Variants in RPAP3 observed in about 807,000 individuals in gnomAD.
RPAP3 encodes the protein RNA polymerase II associated protein 3, also known as RNA polymerase II-associated protein 3.
RPAP3 carries 58 observed loss-of-function variants against 88.8 expected under a neutral mutation model. The observed-to-expected ratio is 0.65, with a 90% CI of 0.53 to 0.81. The LOEUF is 0.81. RPAP3 is among the 40% of genes least tolerant of loss of function. The probability of loss-of-function intolerance (pLI) is 0.00; values close to 1 mark genes in which losing one functional copy is unlikely to be tolerated. For synonymous variants in RPAP3, 255 were observed against 259.9 expected, an observed-to-expected ratio of 0.98 and a Z score of 0.18; for missense variants, 751 against 764.3, an observed-to-expected ratio of 0.98 and a Z score of 0.20.
rs1286639029 is a variant in RPAP3 at position 47,661,993 on chromosome 12, G to C, written c.*1512C>G. On this transcript the variant is annotated 3_prime_UTR_variant, in exon 17 of 17. Transcript: ENST00000005386. Reference sequence around the variant, plus strand: ...CAGTTCTGGAGGATGGGGAGTCCAAGATGAAGATGCCAGTAGATTCTGGTC... The same window carrying C: ...CAGTTCTGGAGGATGGGGAGTCCAACATGAAGATGCCAGTAGATTCTGGTC... 6.6e-6 allele frequency: 1 copy of C among 152,264 alleles called. No individual in the cohort carries two copies. Among genetic ancestry groups the C allele is most frequent in the Admixed American group, 6.5e-5 (1 of 15,274 alleles). 9.4% of individuals were successfully genotyped at this position (152,264 alleles called of 1,614,324 possible). A position where few individuals can be genotyped will look rare whatever the true frequency, so the allele number is the denominator to read the frequency against.
At position 47,688,012 on chromosome 12, in the gene RPAP3, T is replaced by C. The variant is rs374642530; in HGVS notation, c.739-11A>G. On this transcript the variant is annotated splice_polypyrimidine_tract_variant and intron_variant, in intron 7 of 16. Coordinates refer to ENST00000005386, the MANE Select transcript of RPAP3 (RefSeq NM_024604.3). Reference sequence around the variant, plus strand: ...TTTGGATGCTAAAGCCTAGGAGACATAGCAGTCAGCTAAAATAAAACAAAG... The same window carrying C: ...TTTGGATGCTAAAGCCTAGGAGACACAGCAGTCAGCTAAAATAAAACAAAG... 4 of 1,597,988 alleles carry C rather than the reference T, an allele frequency of 2.5e-6. No individual in the cohort carries two copies. The highest frequency in any genetic ancestry group is 1.4e-5 in the African/African-American group (1 of 74,052).
chr12:47,705,329 T>G (rs748684321), intron 1 of RPAP3, among the ~76,000 whole-genome samples: 13 of 152,228 alleles, frequency 8.5e-5, no homozygotes, highest in Non-Finnish European at 1.9e-4. Context: ...AAATTAGGTT[T>G]AAGCTTCTTT....
intron 16 of RPAP3, among the ~76,000 whole-genome samples, chr12:47,663,929 T>C (rs1201439886): frequency 1.3e-5 from 2 of 151,044 alleles, no homozygotes; most frequent in African/African-American, 4.8e-5. Flanking sequence ...ATTTACTTAA[T>C]ATTTTTATTT....
intron 1 of RPAP3, among the ~76,000 whole-genome samples, chr12:47,705,533 T>A (rs1565726685): frequency 6.6e-6 from 1 of 152,086 alleles, no homozygotes; most frequent in Non-Finnish European, 1.5e-5. Flanking sequence ...CCAGGGACCC[T>A]GCGATGGGGC....
In RPAP3 at chr12:47,696,361, C is replaced by G. The variant is rs1337825961; in HGVS notation, c.460G>C (p.Asp154His). The G allele has an allele frequency of 6.3e-7, 1 of 1,597,536 alleles. No individual in the cohort carries two copies. The highest frequency in any genetic ancestry group is 1.3e-5 in the African/African-American group (1 of 74,222). The change falls in exon 5 of 17, where the codon GAC becomes CAC. Residue 154 changes from aspartate to histidine, a missense_variant. Physicochemically the swap from Asp to His is moderately conservative, Grantham distance 81. Coordinates refer to ENST00000005386, the MANE Select transcript of RPAP3 (RefSeq NM_024604.3). ...FKQGKYDEAI[D>H]CYTKGMDADP... is the part of the protein sequence containing the mutation. ...GCATCCATGCCTTTTGTGTAGCAGTCAATTGCTTCATCATATTTTCCTTGT... is the reference window on the plus strand; with the variant it reads ...GCATCCATGCCTTTTGTGTAGCAGTGAATTGCTTCATCATATTTTCCTTGT...
At position 47,683,515 on chromosome 12, in the gene RPAP3, T is replaced by C. The variant is rs377248873; in HGVS notation, c.993-1698A>G. ...ATATTTAATTGCATATTTAATTGCA[T>C]GTTCTACTGTACAGCTGAAGAAAAC... On this transcript the variant is annotated intron_variant, in intron 9 of 16. Transcript: ENST00000005386. Among the ~76,000 whole-genome samples, 164 of 152,304 alleles carry C rather than the reference T, an allele frequency of 1.1e-3. 3 individuals carry two copies. In the South Asian group the frequency reaches 0.029, roughly 27 times the overall value.
chr12:47,689,628 T>C (rs933253089), intron 6 of RPAP3, among the ~76,000 whole-genome samples: 1 of 152,018 alleles, frequency 6.6e-6, no homozygotes, highest in African/African-American at 2.4e-5. Context: ...CGTAAGCCAC[T>C]GTGCAGAGCC....
chr12:47,691,404 T>C (rs990945744), intron 5 of RPAP3, among the ~76,000 whole-genome samples: 5 of 152,074 alleles, frequency 3.3e-5, no homozygotes, highest in East Asian at 1.9e-4. Context: ...TCCATAAGAG[T>C]TGAAATCAAC....
At chr12:47,671,465 A>G (rs1030275990) in intron 12 of RPAP3, among the ~76,000 whole-genome samples, 1 of 152,224 alleles carries the variant, frequency 6.6e-6, no homozygotes, top group African/African-American at 2.4e-5. Flanking sequence ...AATAGATAAC[A>G]AACTCAATGT....
intron 9 of RPAP3, among the ~76,000 whole-genome samples, chr12:47,682,694 A>G (rs902362705): frequency 2.6e-5 from 4 of 151,506 alleles, no homozygotes; most frequent in South Asian, 2.1e-4. Flanking sequence ...AAAAAAAAAA[A>G]CACTCCTGTA....
rs1424479163 is a variant in RPAP3, at chr12:47,663,127, TACAAAGGTA to T, written c.*369_*377del. 2 of 157,006 alleles carry T rather than the reference TACAAAGGTA, an allele frequency of 1.3e-5. No homozygotes were observed. Among genetic ancestry groups the T allele is most frequent in the African/African-American group, 4.8e-5 (2 of 41,564 alleles). The allele number at this position is 157,006 out of a possible 1,614,324, so 9.7% of individuals were successfully genotyped here. Reference sequence around the variant, plus strand: ...CTCACTATCTATTTAACTTCCTCTTTACAAAGGTAATTATTCATATGCTAATGAAGCAGC... The same window carrying T: ...CTCACTATCTATTTAACTTCCTCTTTATTATTCATATGCTAATGAAGCAGC... On this transcript the variant is annotated 3_prime_UTR_variant, in exon 17 of 17. Transcript: ENST00000005386.
At chr12:47,686,936 TAA>T in intron 8 of RPAP3, 29 bp from the exon 9 acceptor site, 5 of 1,337,284 alleles carry the variant, frequency 3.7e-6, no homozygotes, top group African/African-American at 1.5e-5. Flanking sequence ...ATATGGAGAA[TAA>T]AAAAAAAATT....
intron 12 of RPAP3, among the ~76,000 whole-genome samples, chr12:47,677,142 C>T (rs960804572): frequency 6.6e-6 from 1 of 152,132 alleles, no homozygotes; most frequent in South Asian, 2.1e-4. Context: ...CGACAAAAAC[C>T]ACATGGTTAT....
In RPAP3 at chr12:47,696,426, G is replaced by T. The variant is rs1939528984; in HGVS notation, c.418-23C>A. Reference sequence around the variant, plus strand: ...GCCCTGAAAGAAAATTATATAAAATGATCTTTTTTACAAATTCTGAAATTC... The same window carrying T: ...GCCCTGAAAGAAAATTATATAAAATTATCTTTTTTACAAATTCTGAAATTC... On this transcript the variant is annotated intron_variant, in intron 4 of 16. Transcript: ENST00000005386. The T allele has an allele frequency of 3.3e-6, 5 of 1,517,698 alleles. No individual in the cohort carries two copies. The Admixed American group carries it at 7.9e-5, about 24-fold the overall frequency. The allele number at this position is 1,517,698 out of a possible 1,614,324, so 94.0% of individuals were successfully genotyped here.
rs1164228482 is a variant in RPAP3 at position 47,679,715 on chromosome 12, T to C, written c.1174A>G (p.Lys392Glu). Reference protein sequence around the residue: ...GNKQAVTELSKIKKELIEKGH... With the variant: ...GNKQAVTELSEIKKELIEKGH... The stretch of plus-strand genomic sequence containing the variant: ...AAAGAATACATTACCTTTTTAATTT[T>C]GGAGAGTTCAGTTACTGCTTGCTTA... The change falls in exon 11 of 17, where the codon AAA (lysine) becomes GAA (glutamate). Residue 392 changes from lysine (K) to glutamate (E), a missense_variant. Transcript: ENST00000005386. The C allele has an allele frequency of 3.1e-6, 5 of 1,604,710 alleles. No homozygotes were observed. The highest frequency in any genetic ancestry group is 4.3e-6 in the Non-Finnish European group (5 of 1,174,786).
At chr12:47,690,370 T>G (rs1939405671) in intron 6 of RPAP3, 148 bp downstream of exon 6, 1 of 574,872 alleles carries the variant, frequency 1.7e-6, no homozygotes, top group African/African-American at 1.9e-5. Flanking sequence ...CTTAAAAACA[T>G]CAAGATATCA....
chr12:47,680,986 A>C lies in RPAP3; in HGVS notation c.1114+710T>G, dbSNP rs529856475. On this transcript the variant is annotated intron_variant, in intron 10 of 16. Coordinates refer to ENST00000005386, the MANE Select transcript of RPAP3 (RefSeq NM_024604.3). ...AAAAAAACGAAACAAAAAAAAAAAA[A>C]CAGGCTGAAATCATTTGGAACCAAG... Among the ~76,000 whole-genome samples, 512 of 152,068 alleles carry C rather than the reference A, an allele frequency of 3.4e-3. 7 individuals carry two copies. Among genetic ancestry groups the C allele is most frequent in the Non-Finnish European group, 5.4e-3 (370 of 67,960 alleles).
chr12:47,681,654 A>G (rs115693279), intron 10 of RPAP3, 42 bp downstream of exon 10: 4 of 1,592,590 alleles, frequency 2.5e-6, no homozygotes, highest in Non-Finnish European at 3.4e-6. Flanking sequence ...TAACTTGGGC[A>G]CTCATCAGGA....
At chr12:47,703,175 A>C (rs554321785) in intron 1 of RPAP3, among the ~76,000 whole-genome samples, 46 of 152,328 alleles carry the variant, frequency 3.0e-4, no homozygotes, top group Admixed American at 2.6e-3. Flanking sequence ...TACCTCCTTT[A>C]TTTCTTTTTC....
Sources: allele counts gnomAD v4.1 joint callset (sites outside exome capture counted in the v4.1 genomes callset), GRCh38; gene constraint gnomAD v4.1.1; transcripts MANE v1.5; gene names NCBI Gene and HGNC (gene_info 2026-07-23, HGNC 2026-07-21).